Variants in NRG3 observed in about 807,000 individuals in gnomAD.
The protein encoded by NRG3 is neuregulin 3.
NRG3 carries 31 observed loss-of-function variants against 66.9 expected under a neutral mutation model. The observed-to-expected ratio is 0.46, with a 90% CI of 0.35 to 0.63. NRG3 has a LOEUF of 0.63. Ranked by LOEUF, NRG3 falls within the 20% of genes least tolerant of loss-of-function variation. The pLI is 0.00. For missense variants in NRG3, 910 were observed against 878.9 expected, an observed-to-expected ratio of 1.04 and a Z score of -0.45; for synonymous variants, 393 against 359.4, an observed-to-expected ratio of 1.09 and a Z score of -1.06.
chr10:82,371,722 T>G (rs1042325060), intron 2 of NRG3, among the ~76,000 whole-genome samples: 3 of 152,174 alleles, frequency 2.0e-5, no homozygotes, highest in African/African-American at 7.2e-5. Context: ...GGCATCTGCA[T>G]TTGGTGAAGG....
chr10:82,162,522 A>C (rs1026551631), intron 1 of NRG3, among the ~76,000 whole-genome samples: 8 of 151,662 alleles, frequency 5.3e-5, no homozygotes, highest in African/African-American at 1.9e-4. Context: ...TCTATTCCCC[A>C]CTCCTTTTTG....
intron 1 of NRG3, among the ~76,000 whole-genome samples, chr10:82,198,873 T>C (rs1332788420): frequency 6.6e-6 from 1 of 152,092 alleles, no homozygotes; most frequent in South Asian, 2.1e-4. Flanking sequence ...GGCACACATC[T>C]GTAATCCCAG....
At chr10:82,039,427 C>T (rs555077524) in intron 1 of NRG3, among the ~76,000 whole-genome samples, 7 of 152,054 alleles carry the variant, frequency 4.6e-5, no homozygotes, top group Admixed American at 2.6e-4. Flanking sequence ...TTTACAGTGC[C>T]GCATTGGGGA....
intron 5 of NRG3, 62 bp from the exon 6 acceptor site, chr10:82,958,887 C>G: frequency 6.8e-7 from 1 of 1,465,674 alleles, no homozygotes; most frequent in Non-Finnish European, 9.0e-7. Flanking sequence ...TGAATGAGAC[C>G]CTGAAAGTAG....
intron 1 of NRG3, among the ~76,000 whole-genome samples, chr10:82,256,776 G>A (rs945025131): frequency 1.3e-5 from 2 of 152,176 alleles, no homozygotes; most frequent in Non-Finnish European, 2.9e-5. Flanking sequence ...GAATGCATTT[G>A]GAACCCTTTA....
chr10:82,324,066 T>C (rs1045346246), intron 1 of NRG3, among the ~76,000 whole-genome samples: 1 of 152,098 alleles, frequency 6.6e-6, no homozygotes, highest in African/African-American at 2.4e-5. Flanking sequence ...GGTTTCACCA[T>C]GTTGGCCAGG....
intron 3 of NRG3, among the ~76,000 whole-genome samples, chr10:82,751,819 C>T (rs2058876254): frequency 2.0e-5 from 3 of 152,070 alleles, no homozygotes; most frequent in South Asian, 4.2e-4. Context: ...TGGAATTGTT[C>T]CTTAAATATC....
intron 3 of NRG3, among the ~76,000 whole-genome samples, chr10:82,837,905 T>C (rs1372725888): frequency 6.6e-6 from 1 of 152,126 alleles, no homozygotes; most frequent in African/African-American, 2.4e-5. Context: ...TATAGGATCA[T>C]CAACAAACAG....
intron 1 of NRG3, among the ~76,000 whole-genome samples, chr10:81,895,740 C>A (rs920199940): frequency 2.6e-5 from 4 of 152,054 alleles, no homozygotes; most frequent in Non-Finnish European, 5.9e-5. Flanking sequence ...TTCTAAGATA[C>A]CTGAACTTGC....
chr10:81,927,944 T>C (rs2132949573), intron 1 of NRG3, among the ~76,000 whole-genome samples: 1 of 152,274 alleles, frequency 6.6e-6, no homozygotes, highest in Admixed American at 6.5e-5. Context: ...GATACCAAAT[T>C]CCAACCTAAT....
intron 3 of NRG3, among the ~76,000 whole-genome samples, chr10:82,831,785 G>A (rs2062537973): frequency 6.6e-6 from 1 of 152,102 alleles, no homozygotes; most frequent in South Asian, 2.1e-4. Context: ...TTGCACTCCA[G>A]CCTGGGTGAC....
intron 1 of NRG3, among the ~76,000 whole-genome samples, chr10:82,118,558 G>T (rs2067872563): frequency 6.6e-6 from 1 of 152,034 alleles, no homozygotes; most frequent in African/African-American, 2.4e-5. Flanking sequence ...AAAAAGAAGA[G>T]AGCCAGTCTC....
intron 4 of NRG3, among the ~76,000 whole-genome samples, chr10:82,913,980 A>G (rs1845585881): frequency 6.6e-6 from 1 of 151,940 alleles, no homozygotes; most frequent in Non-Finnish European, 1.5e-5. Flanking sequence ...GTTCTGTTCC[A>G]CTGTGTGTTT....
intron 4 of NRG3, among the ~76,000 whole-genome samples, chr10:82,913,007 C>T (rs1209011548): frequency 1.3e-5 from 2 of 152,132 alleles, no homozygotes; most frequent in Non-Finnish European, 2.9e-5. Flanking sequence ...AGGTGGATCT[C>T]AAAGTCAGGA....
In NRG3 at chr10:82,720,526, T is replaced by C. The variant is rs78177720; in HGVS notation, c.954-18051T>C. On this transcript the variant is annotated intron_variant, in intron 2 of 8. Transcript: ENST00000372141. The stretch of plus-strand genomic sequence containing the variant: ...TTTAATGTTGAAATCAAATCTAAGC[T>C]TTAACATATGCTTTTCATGTGCCCT... Among the ~76,000 whole-genome samples, 736 of 152,188 alleles carry C rather than the reference T, an allele frequency of 4.8e-3. 4 individuals are homozygous for C. The highest frequency in any genetic ancestry group is 0.016 in the African/African-American group (679 of 41,520).
intron 1 of NRG3, among the ~76,000 whole-genome samples, chr10:81,922,671 G>C (rs1846369599): frequency 1.3e-5 from 2 of 152,150 alleles, no homozygotes; most frequent in South Asian, 4.1e-4. Context: ...CGGGGGGTCA[G>C]GTGTGGGCAT....
Position 82,582,657 on chromosome 10 carries a change from A to T in NRG3, c.954-155920A>T, listed in dbSNP as rs992879269. On this transcript the variant is annotated intron_variant, in intron 2 of 8. Transcript: ENST00000372141. The stretch of plus-strand genomic sequence containing the variant: ...ATGCAGAAGAGGGAAAAATATCTAT[A>T]TGTGTTGTGTGTGTGTGTGTGTGTG... Among the ~76,000 whole-genome samples the T allele has an allele frequency of 2.9e-5, 4 of 136,928 alleles. No individual in the cohort carries two copies. In the South Asian group the frequency reaches 9.2e-4, roughly 32 times the overall value. 89.8% of individuals were successfully genotyped at this position (136,928 alleles called of 152,430 possible). A position where few individuals can be genotyped will look rare whatever the true frequency, so the allele number is the denominator to read the frequency against.
chr10:82,255,409 A>T (rs1232731591), intron 1 of NRG3, among the ~76,000 whole-genome samples: 2 of 152,180 alleles, frequency 1.3e-5, no homozygotes, highest in East Asian at 3.9e-4. Flanking sequence ...TAGACTGTGG[A>T]CTTTAGTTGA....
chr10:82,026,794 C>A (rs1235312079), intron 1 of NRG3, among the ~76,000 whole-genome samples: 2 of 151,858 alleles, frequency 1.3e-5, no homozygotes, highest in East Asian at 1.9e-4. Flanking sequence ...ATACTGTCAT[C>A]ATTTTCATAA....
Sources: allele counts gnomAD v4.1 joint callset (sites outside exome capture counted in the v4.1 genomes callset), GRCh38; gene constraint gnomAD v4.1.1; transcripts MANE v1.5; gene names NCBI Gene and HGNC (gene_info 2026-07-23, HGNC 2026-07-21).